Variants in PCDH19 observed in about 807,000 individuals in gnomAD.
PCDH19 encodes the protein protocadherin-19.
A neutral mutation model predicts 46.2 loss-of-function variants in PCDH19; 6 were observed. That is an observed-to-expected ratio of 0.13 (90% CI 0.07 to 0.26). PCDH19 has a LOEUF of 0.26. Among genes scored for constraint, PCDH19 ranks in the 10% least tolerant of loss-of-function variants. PCDH19 has a pLI of 1.00. For synonymous variants in PCDH19, 481 were observed against 415.7 expected (o/e 1.16, Z -1.91); for missense variants, 740 against 972.3 (o/e 0.76, Z 3.18).
chrX:100,310,325 A>AT (rs1227761760), intron 5 of PCDH19, among the ~76,000 whole-genome samples: 1 of 111,064 alleles, frequency 9.0e-6, no homozygotes, highest in Non-Finnish European at 1.9e-5. Context: ...CAAGATGTAC[A>AT]TAAGTATAAA....
rs144420524 is a variant in PCDH19 at position 100,382,652 on chromosome X, C to G, written c.2616+19872G>C. Among the ~76,000 whole-genome samples, 12 of 112,146 alleles carry G rather than the reference C, an allele frequency of 1.1e-4. No homozygotes were observed. The East Asian group carries it at 3.1e-3, about 29-fold the overall frequency. On this transcript the variant is annotated intron_variant, in intron 3 of 5. Transcript: ENST00000373034. ...GTCCATGAAATTGCCATCTCCAGAG[C>G]TTCCTAGCTAATGGAGATACCCAGC...
chrX:100,387,008 G>A (rs1005253005), intron 3 of PCDH19, among the ~76,000 whole-genome samples: 1 of 111,675 alleles, frequency 9.0e-6, no homozygotes, highest in Non-Finnish European at 1.9e-5. Flanking sequence ...TGTTGTACAG[G>A]GTTCTCATGC....
chrX:100,325,388 T>TG (rs1925660660), intron 5 of PCDH19, among the ~76,000 whole-genome samples: 1 of 89,744 alleles, frequency 1.1e-5, no homozygotes, highest in East Asian at 3.1e-4. Context: ...TTTTTTTTTT[T>TG]GAGACGGAGT....
At chrX:100,391,045 G>A (rs1449509504) in intron 3 of PCDH19, among the ~76,000 whole-genome samples, 1 of 111,723 alleles carries the variant, frequency 9.0e-6, no homozygotes, top group Non-Finnish European at 1.9e-5. Flanking sequence ...TGCATAATTT[G>A]GTTAGACTGA....
intron 3 of PCDH19, among the ~76,000 whole-genome samples, chrX:100,366,684 G>T (rs1927078817): frequency 8.9e-6 from 1 of 112,128 alleles, no homozygotes; most frequent in Non-Finnish European, 1.9e-5. Context: ...TTGTTTTTAG[G>T]CACTTTAGAA....
intron 5 of PCDH19, among the ~76,000 whole-genome samples, chrX:100,314,651 A>G (rs950555863): frequency 4.5e-5 from 5 of 111,492 alleles, no homozygotes; most frequent in Non-Finnish European, 7.5e-5. Context: ...ACCTGGAAGA[A>G]TGTCCAGGGT....
In PCDH19 at chrX:100,403,658, A is replaced by G; in HGVS notation, c.2154T>C (p.Cys718=). ...AGCCGAGGAGACAAGTGATGGTTAA[A>G]CAATTACTGCAAAGGAATTTAAAGG... ...KEIRTYNCSN[C]LTITCLLGCF... Residue 718 remains cysteine, a synonymous_variant, in exon 2 of 6, where the codon TGT becomes TGC. Coordinates refer to ENST00000373034, the MANE Select transcript of PCDH19 (RefSeq NM_001184880.2). 1.7e-6 allele frequency: 2 copies of G among 1,201,554 alleles called. No individual in the cohort carries two copies. The highest frequency in any genetic ancestry group is 1.8e-5 in the South Asian group (1 of 55,424).
chrX:100,348,920 T>C (rs953952581), intron 4 of PCDH19, among the ~76,000 whole-genome samples: 16 of 106,630 alleles, frequency 1.5e-4, no homozygotes, highest in Admixed American at 3.0e-4. Context: ...TTATTTTATT[T>C]ATTTATTTTT....
chrX:100,322,865 A>ATATATATATATATATATTTTTTTTT, intron 5 of PCDH19, among the ~76,000 whole-genome samples: 10 of 54,414 alleles, frequency 1.8e-4, no homozygotes, highest in Middle Eastern at 0.013. Flanking sequence ...ATATATATAT[A>ATATATATATATATATATTTTTTTTT]TTTTTGCAGC....
intron 5 of PCDH19, among the ~76,000 whole-genome samples, chrX:100,333,183 G>GAGAGACAAAGAA (rs1489789460): frequency 4.6e-5 from 2 of 43,440 alleles, no homozygotes; most frequent in African/African-American, 1.6e-4. Flanking sequence ...GGGAGAGAGA[G>GAGAGACAAAGAA]AGAAAGAAAG....
At chrX:100,399,999 C>T (rs1928132562) in intron 3 of PCDH19, among the ~76,000 whole-genome samples, 1 of 111,694 alleles carries the variant, frequency 9.0e-6, no homozygotes, top group African/African-American at 3.3e-5. Flanking sequence ...TTTCTGTCCT[C>T]TCCATCTATT....
chrX:100,296,661 A>G lies in PCDH19; in HGVS notation c.3063T>C (p.Asp1021=), dbSNP rs900593958. Residue 1021 remains aspartate, a synonymous_variant, in exon 6 of 6, where the codon GAT becomes GAC. Transcript: ENST00000373034. ...TKRTFATFGK[D]VSDHPAEERP... is the part of the protein sequence containing the mutation. ...TCTCCTCAGCCGGGTGGTCGCTGAC[A>G]TCTTTCCCAAAGGTTGCGAAAGTCC... 8.3e-7 allele frequency: 1 copy of G among 1,211,247 alleles called. No individual in the cohort carries two copies. Among genetic ancestry groups the G allele is most frequent in the Middle Eastern group, 2.3e-4 (1 of 4,321 alleles).
At chrX:100,346,021 G>A (rs1460322167) in intron 4 of PCDH19, among the ~76,000 whole-genome samples, 4 of 112,392 alleles carry the variant, frequency 3.6e-5, no homozygotes, top group Non-Finnish European at 5.6e-5. Flanking sequence ...CCTCTTGGGA[G>A]ATGAAGGACT....
At chrX:100,324,327 G>A (rs1925612717) in intron 5 of PCDH19, among the ~76,000 whole-genome samples, 2 of 111,668 alleles carry the variant, frequency 1.8e-5, no homozygotes, top group African/African-American at 3.3e-5. Context: ...ATGCTTCGTG[G>A]CATTGCCATT....
At chrX:100,400,335 T>C (rs1928140570) in intron 3 of PCDH19, among the ~76,000 whole-genome samples, 1 of 112,411 alleles carries the variant, frequency 8.9e-6, no homozygotes, top group African/African-American at 3.2e-5. Flanking sequence ...AGGTCTACTA[T>C]TTTGGGGACA....
intron 3 of PCDH19, among the ~76,000 whole-genome samples, chrX:100,392,151 T>C (rs1465731040): frequency 4.4e-5 from 5 of 112,400 alleles, no homozygotes; most frequent in Non-Finnish European, 7.5e-5. Context: ...ATGGTATTTA[T>C]AGCTTACCAG....
chrX:100,400,487 AATCT>A (rs1208153676), intron 3 of PCDH19, among the ~76,000 whole-genome samples: 2 of 112,357 alleles, frequency 1.8e-5, no homozygotes, highest in Non-Finnish European at 3.8e-5. Context: ...AATCATGATC[AATCT>A]GATTCCACTA....
At chrX:100,405,544 T>C in intron 1 of PCDH19, among the ~76,000 whole-genome samples, 1 of 98,312 alleles carries the variant, frequency 1.0e-5, no homozygotes. Flanking sequence ...CTCCCCCTTC[T>C]ATCCCTCTCT....
rs994303782 is a variant in PCDH19, at chrX:100,386,300, C to A, written c.2616+16224G>T. Among the ~76,000 whole-genome samples the A allele has an allele frequency of 8.1e-5, 9 of 111,325 alleles. 1 individual carries two copies. Among genetic ancestry groups the A allele is most frequent in the Non-Finnish European group, 1.5e-4 (8 of 53,063 alleles). ...GCCCATAAGCAAGTTCAGAGTCAGG[C>A]CTTCACACACATCGAATAAAGCATC... On this transcript the variant is annotated intron_variant, in intron 3 of 5. Transcript: ENST00000373034.
Sources: allele counts gnomAD v4.1 joint callset (sites outside exome capture counted in the v4.1 genomes callset), GRCh38; gene constraint gnomAD v4.1.1; transcripts MANE v1.5; gene names NCBI Gene and HGNC (gene_info 2026-07-23, HGNC 2026-07-21).